The following PABPC4 variants were observed in gnomAD, a reference collection of about 807,000 sequenced individuals.
PABPC4 encodes poly(A) binding protein cytoplasmic 4, also known as polyadenylate-binding protein 4.
In PABPC4, 15 loss-of-function variants were observed where a neutral mutation model predicts 74.5. The ratio of observed to expected loss-of-function variants is 0.20; its 90% CI spans 0.13 to 0.31. The LOEUF (loss-of-function observed/expected upper bound fraction) is 0.31. Ranked by LOEUF, PABPC4 falls within the 10% of genes least tolerant of loss-of-function variation. The pLI, the probability that PABPC4 is intolerant of heterozygous loss-of-function variation, is 1.00. For synonymous variants in PABPC4, 345 were observed against 303.0 expected, an observed-to-expected ratio of 1.14 and a Z score of -1.44; for missense variants, 610 against 853.5, an observed-to-expected ratio of 0.71 and a Z score of 3.55.
At chr1:39,573,905 G>C (rs1645977824) in intron 1 of PABPC4, among the ~76,000 whole-genome samples, 1 of 152,130 alleles carries the variant, frequency 6.6e-6, no homozygotes, top group Non-Finnish European at 1.5e-5. Flanking sequence ...ATCGCAACAA[G>C]GATGCCCAGA....
At chr1:39,574,282 G>T (rs985853740) in intron 1 of PABPC4, among the ~76,000 whole-genome samples, 1 of 152,182 alleles carries the variant, frequency 6.6e-6, no homozygotes, top group Non-Finnish European at 1.5e-5. Context: ...GAGATAGATA[G>T]CTGGGATCGC....
Position 39,576,247 on chromosome 1 carries a change from T to C in PABPC4, c.-296A>G, listed in dbSNP as rs1286319013. ...AGCTCCAAATTTCAAAAAATCAAAG[T>C]AGGAAAAAAATTAAACGGGGAATCC... On this transcript the variant is annotated 5_prime_UTR_variant, in exon 1 of 16. Transcript: ENST00000372858. The C allele has an allele frequency of 9.4e-6, 3 of 318,624 alleles. No individual in the cohort carries two copies. Among genetic ancestry groups the C allele is most frequent in the African/African-American group, 2.1e-5 (1 of 46,634 alleles). The allele number at this position is 318,624 out of a possible 1,614,324, so 19.7% of individuals were successfully genotyped here. A position where few individuals can be genotyped will look rare whatever the true frequency, so the allele number is the denominator to read the frequency against.
rs1311222594 is a variant in PABPC4, at chr1:39,562,696, G to A, written c.1669-280C>T. 2.1e-5 allele frequency: 7 copies of A among 338,442 alleles called. No homozygotes were observed. The East Asian group carries it at 3.3e-4, about 16-fold the overall frequency. 21.0% of individuals were successfully genotyped at this position (338,442 alleles called of 1,614,324 possible). ...AAAACAAACCTATAGTGCTAGGCAA[G>A]CATTTTCTGACATTTCCTTAATACA... On this transcript the variant is annotated intron_variant, in intron 12 of 15. Coordinates refer to ENST00000372858, the MANE Select transcript of PABPC4 (RefSeq NM_001135653.2).
intron 1 of PABPC4, among the ~76,000 whole-genome samples, 176 bp downstream of exon 1, chr1:39,575,583 T>C (rs958506362): frequency 2.6e-5 from 4 of 152,156 alleles, no homozygotes; most frequent in African/African-American, 9.7e-5. Flanking sequence ...AGAAACAAGA[T>C]TGAAACTCGA....
intron 1 of PABPC4, among the ~76,000 whole-genome samples, chr1:39,575,327 G>A (rs532892267): frequency 1.3e-5 from 2 of 152,304 alleles, no homozygotes; most frequent in Admixed American, 1.3e-4. Context: ...TAAAGGTGGC[G>A]GAGCGGGCAG....
At chr1:39,568,257 G>GA (rs201261264) in intron 6 of PABPC4, 205 of 135,128 alleles carry the variant, frequency 1.5e-3, no homozygotes, top group African/African-American at 1.9e-3. Context: ...ACTGTCTCAA[G>GA]AAAAAAAAAA....
intron 12 of PABPC4, chr1:39,563,074 G>A (rs1645786460): frequency 6.5e-6 from 1 of 155,020 alleles, no homozygotes; most frequent in Admixed American, 6.4e-5. Flanking sequence ...AAGGCTTAGG[G>A]TGACACCTCC....
chr1:39,572,303 C>T lies in PABPC4; in HGVS notation c.387+90G>A. The stretch of plus-strand genomic sequence containing the variant: ...TTTTGAAAATTCCCATATCTTGTTC[C>T]CCAATTCCAAGATAGTTCTCTGTTT... On this transcript the variant is annotated intron_variant, in intron 2 of 15. Transcript: ENST00000372858. The T allele has an allele frequency of 5.0e-6, 5 of 1,009,688 alleles. No homozygotes were observed. In the South Asian group the frequency reaches 6.4e-5, roughly 13 times the overall value. 62.5% of individuals were successfully genotyped at this position (1,009,688 alleles called of 1,614,324 possible).
At chr1:39,562,481 G>T in intron 12 of PABPC4, 65 bp from the exon 13 acceptor site, 1 of 1,172,458 alleles carries the variant, frequency 8.5e-7, no homozygotes, top group Non-Finnish European at 1.3e-6. Flanking sequence ...GTGGTTGAGT[G>T]CCTGTTCAAT....
chr1:39,572,047 AAT>A (rs1645949841), intron 2 of PABPC4, among the ~76,000 whole-genome samples: 1 of 152,232 alleles, frequency 6.6e-6, no homozygotes, highest in African/African-American at 2.4e-5. Context: ...ACGTAGAAGG[AAT>A]AGAGTGAATT....
At chr1:39,567,642 T>C in intron 7 of PABPC4, 109 bp downstream of exon 7, 1 of 723,076 alleles carries the variant, frequency 1.4e-6, no homozygotes, top group Non-Finnish European at 2.5e-6. Context: ...ACGTAGTAGC[T>C]ACTTTCAGAA....
chr1:39,567,880 T>C (rs1463678464), intron 6 of PABPC4, 34 bp from the exon 7 acceptor site: 2 of 1,208,478 alleles, frequency 1.7e-6, no homozygotes, highest in African/African-American at 1.5e-5. Context: ...ACTACACTTC[T>C]ATATCACAAA....
At chr1:39,574,196 G>C (rs370573552) in intron 1 of PABPC4, among the ~76,000 whole-genome samples, 1 of 152,222 alleles carries the variant, frequency 6.6e-6, no homozygotes, top group South Asian at 2.1e-4. Flanking sequence ...GGGTAGTTGG[G>C]AAAAGGGGAG....
chr1:39,567,253 A>C, intron 7 of PABPC4: 1 of 367,520 alleles, frequency 2.7e-6, no homozygotes, highest in East Asian at 6.4e-5. Flanking sequence ...AATCAAGCAA[A>C]TGATGCACAC....
In PABPC4 at chr1:39,569,905, C is replaced by T; in HGVS notation, c.601G>A (p.Glu201Lys). 6.2e-7 allele frequency: 1 copy of T among 1,614,116 alleles called. No individual in the cohort carries two copies. Among genetic ancestry groups the T allele is most frequent in the South Asian group, 1.1e-5 (1 of 91,090 alleles). Residue 201 changes from glutamate (E) to lysine (K), a missense_variant, in exon 4 of 16, where the codon GAG becomes AAG. By Grantham distance (56) the Glu-to-Lys change is moderately conservative. This residue lies in a region of PABPC4 where 304 missense variants were observed against 478.9 expected (regional missense o/e 0.63). Coordinates refer to ENST00000372858, the MANE Select transcript of PABPC4 (RefSeq NM_001135653.2). ...TNVYIKNFGE[E>K]VDDESLKELF... is the part of the protein sequence containing the mutation. ...TCTTTCAGACTCTCATCATCCACCT[C>T]TTCCCCAAAGTTTTTGATATAAACA...
chr1:39,565,755 G>C (rs776294999), intron 7 of PABPC4, among the ~76,000 whole-genome samples: 1 of 152,092 alleles, frequency 6.6e-6, no homozygotes, highest in South Asian at 2.1e-4. Context: ...TTCAACCCGG[G>C]AGACAGAGAT....
intron 1 of PABPC4, among the ~76,000 whole-genome samples, chr1:39,574,179 G>A (rs1297009721): frequency 6.6e-6 from 1 of 152,214 alleles, no homozygotes; most frequent in East Asian, 1.9e-4. Context: ...GGCCTCATCT[G>A]TGTGGGGGGT....
rs1405828974 is a variant in PABPC4, at chr1:39,572,255, C to T, written c.387+138G>A. On this transcript the variant is annotated intron_variant, in intron 2 of 15. Coordinates refer to ENST00000372858, the MANE Select transcript of PABPC4 (RefSeq NM_001135653.2). ...ATGGCCCTGAGATTACCTATGGGAA[C>T]TTTTAGGATTCCATGTCCAGCATTT... 4 of 680,592 alleles carry T rather than the reference C, an allele frequency of 5.9e-6. No homozygotes were observed. In the South Asian group the frequency reaches 5.9e-5, roughly 10 times the overall value. The allele number at this position is 680,592 out of a possible 1,614,324, so 42.2% of individuals were successfully genotyped here. A position where few individuals can be genotyped will look rare whatever the true frequency, so the allele number is the denominator to read the frequency against.
At chr1:39,568,438 C>G (rs79749614) in intron 6 of PABPC4, 7,190 of 191,290 alleles carry the variant, frequency 0.038, 483 homozygotes, top group East Asian at 0.31. Context: ...AGTGCACTCA[C>G]CTTTTGTCAC....
Sources: gnomAD v4.1 joint callset for allele counts (sites outside exome capture counted in the v4.1 genomes callset) on GRCh38, gnomAD v4.1.1 for gene constraint, gnomAD v4.1.1 regional missense constraint, MANE v1.5 for transcripts, NCBI Gene and HGNC (gene_info 2026-07-23, HGNC 2026-07-21) for gene names.